The following MYH11 variants were observed in gnomAD, a reference collection of about 807,000 sequenced individuals.
MYH11 encodes the protein myosin-11.
Under a neutral mutation model 246.6 loss-of-function variants are expected in MYH11, and 80 were observed. The observed-to-expected ratio is 0.32, with a 90% CI of 0.27 to 0.39. The LOEUF (loss-of-function observed/expected upper bound fraction) is 0.39. Ranked by LOEUF, MYH11 falls within the 10% of genes least tolerant of loss-of-function variation. MYH11 has a pLI of 1.00. For synonymous variants in MYH11, 1,071 were observed against 1,015.5 expected (o/e 1.05, Z -1.04); for missense variants, 2,158 against 2,546.8 (o/e 0.85, Z 3.29).
chr16:15,730,170 C>T (rs183282221), intron 27 of MYH11, among the ~76,000 whole-genome samples: 343 of 152,096 alleles, frequency 2.3e-3, no homozygotes, highest in African/African-American at 7.8e-3. Context: ...TCCCCAGAAG[C>T]AGAAGCTGCT....
At position 15,740,214 on chromosome 16, in the gene MYH11, C is replaced by T. The variant is rs560270517; in HGVS notation, c.2860-26G>A. 10 of 1,613,860 alleles carry T rather than the reference C, an allele frequency of 6.2e-6. No homozygotes were observed. In the African/African-American group the frequency reaches 6.7e-5, roughly 11 times the overall value. ...CTTTGTTGTGGAGGGAAAAGAGTAA[C>T]AGCTTTGGTTATAACAGATTTACTC... On this transcript the variant is annotated intron_variant, in intron 22 of 40. Transcript: ENST00000300036.
At position 15,720,872 on chromosome 16, in the gene MYH11, C is replaced by G. The variant is rs1354578485; in HGVS notation, c.4758G>C (p.Gln1586His). Residue 1586 changes from glutamine (Q) to histidine (H), a missense_variant, in exon 33 of 41, where the codon CAG becomes CAC. Gln to His is a conservative substitution (Grantham distance 24). Around this residue, in one of 11 missense-constraint regions of MYH11, gnomAD observed 1,013 missense variants for 993.5 expected, o/e 1.02. Coordinates refer to ENST00000300036, the MANE Select transcript of MYH11 (RefSeq NM_002474.3). ...FERDLQARDE[Q>H]NEEKRRQLQR... ...GCAGTTGCCTCCTCTTCTCCTCATT[C>G]TGCTCGTCCCGGGCTTGGAGATCCC... 3 of 1,613,878 alleles carry G rather than the reference C, an allele frequency of 1.9e-6. No individual in the cohort carries two copies. The highest frequency in any genetic ancestry group is 4.5e-5 in the East Asian group (2 of 44,860).
At chr16:15,772,073 G>A (rs1337451437) in intron 8 of MYH11, among the ~76,000 whole-genome samples, 1 of 146,922 alleles carries the variant, frequency 6.8e-6, no homozygotes, top group African/African-American at 2.5e-5. Flanking sequence ...AGAAGAGTTA[G>A]ATCAACCTTT....
chr16:15,756,556 A>C (rs1221120170), intron 13 of MYH11, 42 bp from the exon 14 acceptor site: 1 of 1,608,874 alleles, frequency 6.2e-7, no homozygotes, highest in African/African-American at 1.3e-5. Context: ...AGAACACCCA[A>C]CCTCAGGCAT....
chr16:15,704,144 C>A, intron 40 of MYH11, 21 bp from the exon 41 acceptor site: 1 of 1,613,386 alleles, frequency 6.2e-7, no homozygotes, highest in Non-Finnish European at 8.5e-7. Flanking sequence ...TAAGAAAACA[C>A]ATTATTTAGC....
chr16:15,765,598 C>G (rs1001417689), intron 9 of MYH11, among the ~76,000 whole-genome samples: 6 of 152,188 alleles, frequency 3.9e-5, no homozygotes, highest in Non-Finnish European at 5.9e-5. Context: ...AGGAACAAAG[C>G]CTAGAGATCC....
intron 5 of MYH11, 117 bp downstream of exon 5, chr16:15,786,513 G>A (rs2042472397): frequency 3.1e-6 from 3 of 979,350 alleles, no homozygotes; most frequent in Admixed American, 3.4e-5. Flanking sequence ...CTTCAGGGGA[G>A]GGGTAGTCAG....
At chr16:15,768,835 A>G (rs765029899) in intron 9 of MYH11, among the ~76,000 whole-genome samples, 3 of 150,194 alleles carry the variant, frequency 2.0e-5, no homozygotes, top group Non-Finnish European at 4.4e-5. Flanking sequence ...AAGGGGAAAC[A>G]AGTGCCAAAG....
chr16:15,722,348 A>G (rs1005671114), intron 31 of MYH11, among the ~76,000 whole-genome samples: 2 of 152,218 alleles, frequency 1.3e-5, no homozygotes, highest in African/African-American at 2.4e-5. Flanking sequence ...CCCTGCACAC[A>G]TATCTCTCTG....
At chr16:15,777,962 G>A (rs1302227222) in intron 7 of MYH11, among the ~76,000 whole-genome samples, 1 of 152,052 alleles carries the variant, frequency 6.6e-6, no homozygotes, top group Non-Finnish European at 1.5e-5. Context: ...GGCACATAAC[G>A]TGGAAAAATG....
At chr16:15,799,682 G>A (rs1283897408) in intron 3 of MYH11, among the ~76,000 whole-genome samples, 1 of 152,184 alleles carries the variant, frequency 6.6e-6, no homozygotes, top group African/African-American at 2.4e-5. Context: ...TTACCAATAC[G>A]TTCAATGGTC....
chr16:15,789,589 G>A (rs1365390509), intron 4 of MYH11, among the ~76,000 whole-genome samples: 1 of 152,072 alleles, frequency 6.6e-6, no homozygotes, highest in African/African-American at 2.4e-5. Context: ...AAAGAGAAAA[G>A]ACAGAGTGAA....
intron 9 of MYH11, among the ~76,000 whole-genome samples, chr16:15,767,294 C>T (rs1426472128): frequency 2.0e-5 from 3 of 152,092 alleles, no homozygotes; most frequent in Non-Finnish European, 2.9e-5. Flanking sequence ...CTCAGTTTCC[C>T]TATCTGCAAA....
chr16:15,836,665 G>T (rs1347997011), intron 2 of MYH11, among the ~76,000 whole-genome samples: 1 of 151,080 alleles, frequency 6.6e-6, no homozygotes, highest in East Asian at 2.0e-4. Context: ...CTCCCAAAGT[G>T]CTGGGATTAC....
chr16:15,763,196 T>C (rs1194608207), intron 10 of MYH11, among the ~76,000 whole-genome samples: 1 of 152,158 alleles, frequency 6.6e-6, no homozygotes, highest in East Asian at 1.9e-4. Context: ...ACATCCTGTA[T>C]TTTATCTGGC....
At chr16:15,752,218 T>G (rs2041592288) in intron 15 of MYH11, among the ~76,000 whole-genome samples, 2 of 152,040 alleles carry the variant, frequency 1.3e-5, no homozygotes, top group Admixed American at 1.3e-4. Flanking sequence ...TGCGATGTTG[T>G]TCCCTAGGCC....
chr16:15,797,640 A>C (rs745837492), intron 4 of MYH11, among the ~76,000 whole-genome samples: 5 of 150,604 alleles, frequency 3.3e-5, no homozygotes, highest in Non-Finnish European at 4.4e-5. Flanking sequence ...TATATTCTAT[A>C]TTTTCAAATT....
intron 23 of MYH11, among the ~76,000 whole-genome samples, 153 bp downstream of exon 23, chr16:15,739,898 C>T (rs557254947): frequency 7.9e-5 from 12 of 152,152 alleles, no homozygotes; most frequent in African/African-American, 2.4e-4. Context: ...CTGGCCACCA[C>T]ACCTGGCTAA....
At chr16:15,790,286 T>C (rs764839573) in intron 4 of MYH11, among the ~76,000 whole-genome samples, 6 of 151,042 alleles carry the variant, frequency 4.0e-5, no homozygotes, top group Non-Finnish European at 7.4e-5. Context: ...GCCTGGGCAA[T>C]AGAATGAGAC....
Sources: allele counts gnomAD v4.1 joint callset (sites outside exome capture counted in the v4.1 genomes callset), GRCh38; gene constraint gnomAD v4.1.1; regional missense constraint gnomAD v4.1.1; transcripts MANE v1.5; gene names NCBI Gene and HGNC (gene_info 2026-07-23, HGNC 2026-07-21).